NALF1: variants seen among roughly 807,000 people sequenced by gnomAD.
NALF1 encodes the protein family with sequence similarity 155 member A.
NALF1 carries 3 observed loss-of-function variants against 48.4 expected under a neutral mutation model. The ratio of observed to expected loss-of-function variants is 0.06; its 90% CI spans 0.03 to 0.16. The LOEUF is 0.16. NALF1 is among the 10% of genes least tolerant of loss of function. NALF1 has a pLI of 1.00. For synonymous variants in NALF1, 262 were observed against 245.7 expected, an observed-to-expected ratio of 1.07 and a Z score of -0.62; for missense variants, 526 against 571.5, an observed-to-expected ratio of 0.92 and a Z score of 0.81.
At chr13:107,307,486 TA>T (rs1881958939) in intron 1 of NALF1, among the ~76,000 whole-genome samples, 1 of 151,522 alleles carries the variant, frequency 6.6e-6, no homozygotes, top group Admixed American at 6.6e-5. Flanking sequence ...TTTTTATTTT[TA>T]TTTTTTTTTT....
chr13:107,403,587 A>G (rs955295779), intron 1 of NALF1, among the ~76,000 whole-genome samples: 1 of 151,950 alleles, frequency 6.6e-6, no homozygotes, highest in Non-Finnish European at 1.5e-5. Flanking sequence ...GATATGTTCA[A>G]TATGATACTT....
chr13:107,624,056 G>A (rs1189013497), intron 1 of NALF1, among the ~76,000 whole-genome samples: 1 of 152,058 alleles, frequency 6.6e-6, no homozygotes, highest in Non-Finnish European at 1.5e-5. Flanking sequence ...TTTAACATTG[G>A]TAAAAATGTT....
chr13:107,178,814 G>T (rs1056563076), intron 2 of NALF1, among the ~76,000 whole-genome samples: 1 of 152,036 alleles, frequency 6.6e-6, no homozygotes, highest in Non-Finnish European at 1.5e-5. Context: ...GCGTGGTGGC[G>T]GGTGCCTGTA....
At chr13:107,650,835 A>C (rs1594184569) in intron 1 of NALF1, among the ~76,000 whole-genome samples, 1 of 152,130 alleles carries the variant, frequency 6.6e-6, no homozygotes, top group African/African-American at 2.4e-5. Context: ...AGAAAACCAA[A>C]TATATCATGC....
At chr13:107,570,760 G>T (rs1171183336) in intron 1 of NALF1, among the ~76,000 whole-genome samples, 1 of 151,788 alleles carries the variant, frequency 6.6e-6, no homozygotes, top group Non-Finnish European at 1.5e-5. Flanking sequence ...AGGAAATATT[G>T]TGTAGCTTTA....
At chr13:107,327,411 C>T (rs1882384396) in intron 1 of NALF1, among the ~76,000 whole-genome samples, 6 of 152,178 alleles carry the variant, frequency 3.9e-5, no homozygotes, top group Admixed American at 2.6e-4. Flanking sequence ...TTTATAAAAC[C>T]AATTCAGTAT....
At chr13:107,361,074 A>G (rs1166384010) in intron 1 of NALF1, among the ~76,000 whole-genome samples, 1 of 152,216 alleles carries the variant, frequency 6.6e-6, no homozygotes, top group Non-Finnish European at 1.5e-5. Flanking sequence ...ACACATATAA[A>G]GATTTTACTC....
intron 1 of NALF1, among the ~76,000 whole-genome samples, chr13:107,360,853 C>T (rs145375084): frequency 2.0e-5 from 3 of 151,834 alleles, no homozygotes; most frequent in East Asian, 1.9e-4. Context: ...CTTTCTTTCC[C>T]TCCTCCCTCT....
chr13:107,782,744 G>A (rs1357939149), intron 1 of NALF1, among the ~76,000 whole-genome samples: 1 of 119,492 alleles, frequency 8.4e-6, no homozygotes, highest in African/African-American at 3.1e-5. Flanking sequence ...GCCCGGTCGC[G>A]ACCCCGTCTG....
Position 107,166,500 on chromosome 13 carries a change from T to A in NALF1, c.*3997A>T, listed in dbSNP as rs188424129. 131 of 152,274 alleles carry A rather than the reference T, an allele frequency of 8.6e-4. No homozygotes were observed. Among genetic ancestry groups the A allele is most frequent in the African/African-American group, 3.0e-3 (126 of 41,554 alleles). 9.4% of individuals were successfully genotyped at this position (152,274 alleles called of 1,614,324 possible). ...AAATAAAACAAAATGCAGCTTTCAGTTCTGTGTTGATTTAATGCTTTGAGT... is the reference window on the plus strand; with the variant it reads ...AAATAAAACAAAATGCAGCTTTCAGATCTGTGTTGATTTAATGCTTTGAGT... On this transcript the variant is annotated 3_prime_UTR_variant, in exon 3 of 3. Coordinates refer to ENST00000375915, the MANE Select transcript of NALF1 (RefSeq NM_001080396.3).
chr13:107,788,467 C>T (rs1878136655), intron 1 of NALF1: 1 of 152,230 alleles, frequency 6.6e-6, no homozygotes, highest in Admixed American at 6.5e-5. Flanking sequence ...CAAGTCACTA[C>T]CTTTCTTCCT....
intron 1 of NALF1, among the ~76,000 whole-genome samples, chr13:107,272,716 A>G (rs1364353239): frequency 6.6e-6 from 1 of 152,172 alleles, no homozygotes; most frequent in Non-Finnish European, 1.5e-5. Flanking sequence ...ATCAAAATAT[A>G]TTTTCAGCCA....
intron 1 of NALF1, among the ~76,000 whole-genome samples, chr13:107,678,319 G>A (rs1443982580): frequency 1.3e-5 from 2 of 152,152 alleles, no homozygotes. Context: ...GGGGAGATGG[G>A]TAGGAATCTC....
chr13:107,604,213 G>A (rs373551985), intron 1 of NALF1, among the ~76,000 whole-genome samples: 53 of 152,168 alleles, frequency 3.5e-4, no homozygotes, highest in Middle Eastern at 3.4e-3. Context: ...GCCAATAATC[G>A]TTTCCCAAAT....
At chr13:107,592,864 C>T (rs888981473) in intron 1 of NALF1, among the ~76,000 whole-genome samples, 7 of 151,968 alleles carry the variant, frequency 4.6e-5, no homozygotes, top group Admixed American at 2.0e-4. Flanking sequence ...TGCAAATCAT[C>T]TGTTCTTTCT....
At chr13:107,663,460 G>C (rs1287477034) in intron 1 of NALF1, among the ~76,000 whole-genome samples, 1 of 152,152 alleles carries the variant, frequency 6.6e-6, no homozygotes, top group African/African-American at 2.4e-5. Flanking sequence ...TTCGGTTAAA[G>C]GTTAAAAAGA....
chr13:107,327,271 T>C (rs1882382424), intron 1 of NALF1, among the ~76,000 whole-genome samples: 1 of 152,088 alleles, frequency 6.6e-6, no homozygotes, highest in Non-Finnish European at 1.5e-5. Flanking sequence ...CCATTGGCTA[T>C]AGCTAGCCTG....
intron 1 of NALF1, among the ~76,000 whole-genome samples, chr13:107,303,560 A>G (rs1024372081): frequency 1.6e-4 from 24 of 152,312 alleles, no homozygotes; most frequent in South Asian, 4.1e-4. Context: ...AGATTTCTCA[A>G]GTTCCTAAAA....
chr13:107,768,847 AAAAC>A (rs1358257303), intron 1 of NALF1, among the ~76,000 whole-genome samples: 1 of 152,148 alleles, frequency 6.6e-6, no homozygotes, highest in Non-Finnish European at 1.5e-5. Flanking sequence ...TTACAAGAAA[AAAAC>A]AAACAACCCC....
Sources: gnomAD v4.1 joint callset for allele counts (sites outside exome capture counted in the v4.1 genomes callset) on GRCh38, gnomAD v4.1.1 for gene constraint, MANE v1.5 for transcripts, NCBI Gene and HGNC (gene_info 2026-07-23, HGNC 2026-07-21) for gene names.